Variants in PKN2 observed in about 807,000 individuals in gnomAD.
PKN2 encodes protein kinase N2.
In PKN2, 38 loss-of-function variants were observed where a neutral mutation model predicts 119.1. The observed-to-expected ratio is 0.32, with a 90% CI of 0.25 to 0.42. The LOEUF is 0.42. Among genes scored for constraint, PKN2 ranks in the 10% least tolerant of loss-of-function variants. The pLI, the probability that PKN2 is intolerant of heterozygous loss-of-function variation, is 1.00. For synonymous variants in PKN2, 390 were observed against 384.9 expected (o/e 1.01, Z -0.15); for missense variants, 850 against 1,165.1 (o/e 0.73, Z 3.94).
intron 1 of PKN2, among the ~76,000 whole-genome samples, chr1:88,728,016 CT>C (rs34460979): frequency 0.071 from 9,236 of 130,728 alleles, 418 homozygotes; most frequent in African/African-American, 0.19. Context: ...TTTCTTGGGG[CT>C]TTTTTTTTTT....
intron 6 of PKN2, among the ~76,000 whole-genome samples, chr1:88,776,218 C>G (rs1670097601): frequency 7.2e-6 from 1 of 138,294 alleles, no homozygotes; most frequent in Non-Finnish European, 1.6e-5. Context: ...CCCCTACCCC[C>G]TCCCCCTTGC....
At chr1:88,684,689 G>C (rs1007122646) in intron 1 of PKN2, 61 bp downstream of exon 1, 1 of 1,406,024 alleles carries the variant, frequency 7.1e-7, no homozygotes, top group East Asian at 3.0e-5. Context: ...AGCCCCGCGC[G>C]GCGTCGGGGA....
chr1:88,767,303 A>C (rs1472198522), intron 3 of PKN2, among the ~76,000 whole-genome samples: 1 of 152,230 alleles, frequency 6.6e-6, no homozygotes, highest in East Asian at 1.9e-4. Flanking sequence ...AAATTGTCCA[A>C]GTTTATATAT....
At chr1:88,711,861 A>G (rs556203191) in intron 1 of PKN2, among the ~76,000 whole-genome samples, 13 of 152,248 alleles carry the variant, frequency 8.5e-5, no homozygotes, top group South Asian at 2.1e-4. Flanking sequence ...ATTGTCCTCT[A>G]CAGTTCTAAT....
intron 2 of PKN2, among the ~76,000 whole-genome samples, chr1:88,741,618 A>G (rs1412333062): frequency 1.3e-5 from 2 of 152,126 alleles, no homozygotes; most frequent in African/African-American, 2.4e-5. Flanking sequence ...CCTGTAATCA[A>G]CAGCACAAGT....
At chr1:88,810,361 A>G (rs1570666214) in intron 15 of PKN2, among the ~76,000 whole-genome samples, 1 of 152,064 alleles carries the variant, frequency 6.6e-6, no homozygotes, top group Non-Finnish European at 1.5e-5. Context: ...AGCTCAGGTG[A>G]TCTGCCCGCC....
chr1:88,703,530 G>C (rs1666856796), intron 1 of PKN2, among the ~76,000 whole-genome samples: 1 of 152,118 alleles, frequency 6.6e-6, no homozygotes, highest in African/African-American at 2.4e-5. Flanking sequence ...AACTAGGTCT[G>C]TCTAAATCCA....
Position 88,771,883 on chromosome 1 carries a change from T to C in PKN2, c.985+4T>C, listed in dbSNP as rs1171208162. 28 of 1,584,598 alleles carry C rather than the reference T, an allele frequency of 1.8e-5. No homozygotes were observed. Among genetic ancestry groups the C allele is most frequent in the Non-Finnish European group, 2.4e-5 (28 of 1,153,616 alleles). ...TCCAAACCAGCAGCACTAACAGGTA[T>C]GTAGTGTATAGCCATTGTTTTTTGT... On this transcript the variant is annotated splice_donor_region_variant and intron_variant, in intron 6 of 21. Coordinates refer to ENST00000370521, the MANE Select transcript of PKN2 (RefSeq NM_006256.4).
chr1:88,800,863 CTT>C lies in PKN2; in HGVS notation c.1282-3526_1282-3525del, dbSNP rs370765562. Reference sequence around the variant, plus strand: ...CTTTAAGTCTACCAAGCAGTTTTCTCTTTGATTCTAGATTCAATTCATAATAA... The same window carrying C: ...CTTTAAGTCTACCAAGCAGTTTTCTCTGATTCTAGATTCAATTCATAATAA... On this transcript the variant is annotated intron_variant, in intron 8 of 21. Coordinates refer to ENST00000370521, the MANE Select transcript of PKN2 (RefSeq NM_006256.4). Among the ~76,000 whole-genome samples, 386 of 152,298 alleles carry C rather than the reference CTT, an allele frequency of 2.5e-3. 2 individuals carry two copies. The highest frequency in any genetic ancestry group is 9.0e-3 in the African/African-American group (373 of 41,558).
chr1:88,761,086 A>G (rs1669421848), intron 3 of PKN2, among the ~76,000 whole-genome samples: 1 of 152,276 alleles, frequency 6.6e-6, no homozygotes, highest in South Asian at 2.1e-4. Flanking sequence ...TGGTATGGGC[A>G]TATAACTCCT....
At chr1:88,822,637 T>C (rs1224666305) in intron 17 of PKN2, among the ~76,000 whole-genome samples, 3 of 149,246 alleles carry the variant, frequency 2.0e-5, no homozygotes, top group African/African-American at 7.5e-5. Context: ...TGGAGTGCAA[T>C]GCACAATCTC....
intron 15 of PKN2, among the ~76,000 whole-genome samples, chr1:88,809,793 C>A (rs980470394): frequency 2.6e-5 from 4 of 152,084 alleles, no homozygotes; most frequent in Non-Finnish European, 5.9e-5. Flanking sequence ...ATTTCTTTCC[C>A]CCATAGTGTC....
chr1:88,684,381 G>A lies in PKN2; in HGVS notation c.-200G>A. On this transcript the variant is annotated 5_prime_UTR_variant, in exon 1 of 22. In the 5' UTR this introduces an upstream ATG that the reference lacks. Coordinates refer to ENST00000370521, the MANE Select transcript of PKN2 (RefSeq NM_006256.4). ...GGCGGCGAGAGGAAGCCCGCTACGA[G>A]TGCCCTAGCTCCCCGCCGCTCTCGA... 2.0e-6 allele frequency: 1 copy of A among 501,408 alleles called. No homozygotes were observed. The highest frequency in any genetic ancestry group is 4.0e-5 in the Admixed American group (1 of 24,910). 31.1% of individuals were successfully genotyped at this position (501,408 alleles called of 1,614,324 possible).
chr1:88,744,330 T>G (rs1668685896), intron 2 of PKN2, among the ~76,000 whole-genome samples: 2 of 152,210 alleles, frequency 1.3e-5, no homozygotes, highest in African/African-American at 4.8e-5. Context: ...TACATAAGCT[T>G]AGTAAGCAGA....
chr1:88,695,162 C>T (rs1295073469), intron 1 of PKN2, among the ~76,000 whole-genome samples: 1 of 151,924 alleles, frequency 6.6e-6, no homozygotes, highest in Non-Finnish European at 1.5e-5. Context: ...TGTCAGACGT[C>T]TTTATAATGC....
chr1:88,708,889 T>C (rs1390721000), intron 1 of PKN2, among the ~76,000 whole-genome samples: 2 of 152,124 alleles, frequency 1.3e-5, no homozygotes, highest in African/African-American at 4.8e-5. Context: ...TAGCAGTCTT[T>C]ATTTCTGTAT....
Position 88,793,995 on chromosome 1 carries a change from C to G in PKN2, c.1281+7782C>G, listed in dbSNP as rs139239568. Reference sequence around the variant, plus strand: ...ATATAATATACCACTATTTAAACTTCTTTGAACTCCTGAACTCTGGTATAC... The same window carrying G: ...ATATAATATACCACTATTTAAACTTGTTTGAACTCCTGAACTCTGGTATAC... On this transcript the variant is annotated intron_variant, in intron 8 of 21. Transcript: ENST00000370521. 3.3e-5 allele frequency among the ~76,000 whole-genome samples: 5 copies of G among 152,308 alleles called. No homozygotes were observed. In the East Asian group the frequency reaches 9.7e-4, roughly 29 times the overall value.
At chr1:88,796,486 A>G (rs531757442) in intron 8 of PKN2, among the ~76,000 whole-genome samples, 1 of 152,222 alleles carries the variant, frequency 6.6e-6, no homozygotes, top group South Asian at 2.1e-4. Flanking sequence ...CAGCATTTCT[A>G]CTTATATTCT....
chr1:88,812,153 A>G (rs781345213), intron 15 of PKN2, among the ~76,000 whole-genome samples: 42 of 152,174 alleles, frequency 2.8e-4, no homozygotes, highest in Non-Finnish European at 8.8e-5. Flanking sequence ...TTTGTGTGCT[A>G]TAAAATGCAT....
Sources: gnomAD v4.1 joint callset for allele counts (sites outside exome capture counted in the v4.1 genomes callset) on GRCh38, gnomAD v4.1.1 for gene constraint, MANE v1.5 for transcripts, NCBI Gene and HGNC (gene_info 2026-07-23, HGNC 2026-07-21) for gene names.